The following PPP3CA variants were observed in gnomAD, a reference collection of about 807,000 sequenced individuals.
PPP3CA encodes protein phosphatase 3 catalytic subunit alpha, also known as CAM-PRP catalytic subunit.
PPP3CA carries 14 observed loss-of-function variants against 66.5 expected under a neutral mutation model. The observed-to-expected ratio is 0.21, with a 90% CI of 0.14 to 0.33. The LOEUF (loss-of-function observed/expected upper bound fraction) is 0.33, where lower values mean the gene tolerates loss of function less well. Ranked by LOEUF, PPP3CA falls within the 10% of genes least tolerant of loss-of-function variation. The pLI, the probability that PPP3CA is intolerant of heterozygous loss-of-function variation, is 1.00. For missense variants in PPP3CA, 317 were observed against 639.5 expected (o/e 0.50, Z 5.44); for synonymous variants, 232 against 226.2 (o/e 1.03, Z -0.23).
At chr4:101,037,935 T>C (rs1727324617) in intron 11 of PPP3CA, among the ~76,000 whole-genome samples, 2 of 152,238 alleles carry the variant, frequency 1.3e-5, no homozygotes, top group South Asian at 4.1e-4. Flanking sequence ...TATACTAGAC[T>C]ACATAGCACA....
At chr4:101,244,127 T>C (rs1385712420) in intron 1 of PPP3CA, among the ~76,000 whole-genome samples, 15 of 152,178 alleles carry the variant, frequency 9.9e-5, no homozygotes, top group African/African-American at 2.4e-5. Context: ...ATATAGTAGG[T>C]ATTTTGTCCT....
At chr4:101,310,993 T>A (rs1350254343) in intron 1 of PPP3CA, among the ~76,000 whole-genome samples, 1 of 152,140 alleles carries the variant, frequency 6.6e-6, no homozygotes, top group Non-Finnish European at 1.5e-5. Flanking sequence ...ATAAATAAGC[T>A]TTATGGAAGG....
intron 1 of PPP3CA, among the ~76,000 whole-genome samples, chr4:101,324,666 C>A (rs1258547734): frequency 6.6e-6 from 1 of 151,538 alleles, no homozygotes; most frequent in Non-Finnish European, 1.5e-5. Context: ...CAGTGTAACT[C>A]TTCACTTGAA....
intron 6 of PPP3CA, among the ~76,000 whole-genome samples, chr4:101,091,277 C>T (rs114084987): frequency 4.7e-4 from 71 of 152,194 alleles, no homozygotes; most frequent in Non-Finnish European, 8.8e-4. Context: ...ATAACTTTGA[C>T]GTACTTTAAC....
intron 1 of PPP3CA, among the ~76,000 whole-genome samples, chr4:101,323,011 A>G (rs563027887): frequency 6.6e-6 from 1 of 152,228 alleles, no homozygotes; most frequent in Non-Finnish European, 1.5e-5. Flanking sequence ...CAGCATTAAA[A>G]TAAGTAAAAA....
chr4:101,331,464 C>G (rs778762260), intron 1 of PPP3CA, among the ~76,000 whole-genome samples: 5 of 152,078 alleles, frequency 3.3e-5, no homozygotes, highest in African/African-American at 7.2e-5. Flanking sequence ...CTGGAGAGAT[C>G]AACTGGATAA....
intron 2 of PPP3CA, among the ~76,000 whole-genome samples, chr4:101,184,935 C>G (rs1217277014): frequency 6.6e-6 from 1 of 152,054 alleles, no homozygotes; most frequent in African/African-American, 2.4e-5. Flanking sequence ...ACTGGGGGAG[C>G]TGCGGCAGTC....
intron 1 of PPP3CA, among the ~76,000 whole-genome samples, chr4:101,285,602 T>C (rs546158485): frequency 1.1e-3 from 17 of 16,168 alleles, no homozygotes; most frequent in African/African-American, 3.4e-3. Flanking sequence ...TGTGTGTATG[T>C]GTGTGTGTGT....
chr4:101,069,124 T>A (rs1299116448), intron 8 of PPP3CA, among the ~76,000 whole-genome samples: 1 of 152,124 alleles, frequency 6.6e-6, no homozygotes, highest in East Asian at 1.9e-4. Flanking sequence ...AGTTTCGAAC[T>A]CCTGGGCTCA....
At chr4:101,039,819 T>C (rs1018675691) in intron 11 of PPP3CA, among the ~76,000 whole-genome samples, 2 of 144,660 alleles carry the variant, frequency 1.4e-5, no homozygotes, top group African/African-American at 5.0e-5. Flanking sequence ...CTAATATGTA[T>C]CATTTTGAAT....
intron 1 of PPP3CA, among the ~76,000 whole-genome samples, chr4:101,214,709 T>C (rs900341519): frequency 6.6e-6 from 1 of 152,140 alleles, no homozygotes; most frequent in South Asian, 2.1e-4. Context: ...GTCATTCATA[T>C]AGATTTAATG....
intron 1 of PPP3CA, among the ~76,000 whole-genome samples, chr4:101,314,243 G>A (rs1728813721): frequency 6.6e-6 from 1 of 151,396 alleles, no homozygotes; most frequent in South Asian, 2.1e-4. Context: ...TAATTTTAAG[G>A]AGTAAGTTCG....
chr4:101,281,614 A>G (rs1287399958), intron 1 of PPP3CA, among the ~76,000 whole-genome samples: 2 of 152,238 alleles, frequency 1.3e-5, no homozygotes, highest in African/African-American at 4.8e-5. Context: ...GAAAGTCTTA[A>G]GTTATTTAGG....
intron 10 of PPP3CA, among the ~76,000 whole-genome samples, chr4:101,051,963 G>C (rs1017178164): frequency 2.6e-5 from 4 of 152,020 alleles, no homozygotes; most frequent in African/African-American, 9.7e-5. Context: ...CTTACTGTGA[G>C]TATAATATGC....
intron 1 of PPP3CA, among the ~76,000 whole-genome samples, chr4:101,216,298 C>A (rs980079306): frequency 3.3e-5 from 5 of 152,088 alleles, no homozygotes; most frequent in Admixed American, 2.6e-4. Context: ...TTCTCATTTG[C>A]ATAATAAATG....
chr4:101,110,791 A>G (rs1721644182), intron 2 of PPP3CA, among the ~76,000 whole-genome samples: 1 of 152,190 alleles, frequency 6.6e-6, no homozygotes, highest in Admixed American at 6.5e-5. Flanking sequence ...CCAAGGGGGA[A>G]TAAATAGAGA....
At chr4:101,232,234 G>A (rs184305648) in intron 1 of PPP3CA, among the ~76,000 whole-genome samples, 26 of 151,712 alleles carry the variant, frequency 1.7e-4, no homozygotes, top group Admixed American at 4.0e-4. Flanking sequence ...GTCAGTATAT[G>A]AATATGATGC....
rs775739871 is a variant in PPP3CA, at chr4:101,061,079, C to T, written c.1156+8G>A. On this transcript the variant is annotated splice_region_variant and intron_variant, in intron 10 of 13. Coordinates refer to ENST00000394854, the MANE Select transcript of PPP3CA (RefSeq NM_000944.5). ...AATAGCATTAGCACAAAGGCTCAAG[C>T]CTCTTACCATCAAATCCATCTTCTT... 4 of 1,607,216 alleles carry T rather than the reference C, an allele frequency of 2.5e-6. No individual in the cohort carries two copies. The South Asian group carries it at 3.3e-5, about 13-fold the overall frequency.
In PPP3CA at chr4:101,024,303, A is replaced by G. The variant is rs563107710; in HGVS notation, c.*1562T>C. Reference sequence around the variant, plus strand: ...TTGTGCACATAAATCCCTTCAGCGGACTCAGTGGAAGGATGAGAATTCTGT... The same window carrying G: ...TTGTGCACATAAATCCCTTCAGCGGGCTCAGTGGAAGGATGAGAATTCTGT... On this transcript the variant is annotated 3_prime_UTR_variant, in exon 14 of 14. Transcript: ENST00000394854. 6.6e-6 allele frequency: 1 copy of G among 152,656 alleles called. No homozygotes were observed. The highest frequency in any genetic ancestry group is 2.1e-4 in the South Asian group (1 of 4,818). The allele number at this position is 152,656 out of a possible 1,614,324, so 9.5% of individuals were successfully genotyped here.
Sources: gnomAD v4.1 joint callset for allele counts (sites outside exome capture counted in the v4.1 genomes callset) on GRCh38, gnomAD v4.1.1 for gene constraint, MANE v1.5 for transcripts, NCBI Gene and HGNC (gene_info 2026-07-23, HGNC 2026-07-21) for gene names.